Variants in ZRANB3 observed in about 807,000 individuals in gnomAD.
The protein encoded by ZRANB3 is zinc finger RANBP2-type containing 3, also known as DNA annealing helicase and endonuclease ZRANB3.
ZRANB3 carries 125 observed loss-of-function variants against 133.8 expected under a neutral mutation model. That is an observed-to-expected ratio of 0.93 (90% CI 0.81 to 1.08). ZRANB3 has a LOEUF of 1.08. ZRANB3 is among the 50% of genes least tolerant of loss of function. The pLI is 0.00. For synonymous variants in ZRANB3, 387 were observed against 432.7 expected (o/e 0.89, Z 1.31); for missense variants, 1,229 against 1,275.5 (o/e 0.96, Z 0.56).
intron 6 of ZRANB3, among the ~76,000 whole-genome samples, chr2:135,342,837 AT>A (rs1201025348): frequency 1.3e-5 from 2 of 148,566 alleles, no homozygotes; most frequent in Non-Finnish European, 2.9e-5. Context: ...ACACATATAC[AT>A]ATATACCCTA....
chr2:135,447,471 T>C (rs1486154019), intron 2 of ZRANB3, among the ~76,000 whole-genome samples: 4 of 152,258 alleles, frequency 2.6e-5, no homozygotes, highest in East Asian at 1.9e-4. Context: ...GCATTCTCTA[T>C]GTTTCTCAGA....
Position 135,305,133 on chromosome 2 carries a change from G to A in ZRANB3, c.966+8356C>T, listed in dbSNP as rs185690787. Among the ~76,000 whole-genome samples the A allele has an allele frequency of 3.2e-3, 488 of 152,028 alleles. 2 individuals are homozygous for A. The highest frequency in any genetic ancestry group is 4.0e-3 in the Admixed American group (61 of 15,266). On this transcript the variant is annotated intron_variant, in intron 8 of 20. Transcript: ENST00000264159. ...GCTGTGATTACAGGTGTGTGCCACCGTGCCCGGCTAATGTTTATATTTCTA... is the reference window on the plus strand; with the variant it reads ...GCTGTGATTACAGGTGTGTGCCACCATGCCCGGCTAATGTTTATATTTCTA...
intron 3 of ZRANB3, among the ~76,000 whole-genome samples, chr2:135,388,512 G>A (rs1443910918): frequency 1.3e-5 from 2 of 152,088 alleles, no homozygotes; most frequent in African/African-American, 4.8e-5. Flanking sequence ...AAATCATAAA[G>A]GATGCTGTTT....
intron 2 of ZRANB3, among the ~76,000 whole-genome samples, chr2:135,473,859 G>A (rs1246154695): frequency 6.6e-6 from 1 of 152,078 alleles, no homozygotes; most frequent in Non-Finnish European, 1.5e-5. Context: ...TTTTATAGAA[G>A]AAACTTACCT....
chr2:135,226,608 G>T (rs1393728339), intron 14 of ZRANB3, among the ~76,000 whole-genome samples: 1 of 152,196 alleles, frequency 6.6e-6, no homozygotes, highest in Non-Finnish European at 1.5e-5. Context: ...AAAAACATTT[G>T]TAAGTACAAG....
intron 2 of ZRANB3, among the ~76,000 whole-genome samples, chr2:135,404,023 G>A (rs964217583): frequency 2.0e-5 from 3 of 152,142 alleles, no homozygotes; most frequent in Non-Finnish European, 4.4e-5. Context: ...AGAAAAACTG[G>A]AAACTCTAAC....
chr2:135,246,691 A>C (rs1177690693), intron 12 of ZRANB3, among the ~76,000 whole-genome samples: 2 of 152,236 alleles, frequency 1.3e-5, no homozygotes, highest in Non-Finnish European at 2.9e-5. Flanking sequence ...TCCTCTCTTC[A>C]GTTATACAGC....
chr2:135,299,734 C>G (rs1682339970), intron 8 of ZRANB3, among the ~76,000 whole-genome samples: 1 of 152,156 alleles, frequency 6.6e-6, no homozygotes, highest in Non-Finnish European at 1.5e-5. Context: ...AGAAGTACTT[C>G]AAAAGGCAGA....
intron 8 of ZRANB3, among the ~76,000 whole-genome samples, chr2:135,280,131 C>A (rs1012554581): frequency 1.3e-5 from 2 of 152,080 alleles, no homozygotes; most frequent in Non-Finnish European, 2.9e-5. Context: ...TTGGTAGTGT[C>A]GGTTCAGGTT....
chr2:135,515,323 T>C (rs576468109), intron 1 of ZRANB3, among the ~76,000 whole-genome samples: 1 of 152,238 alleles, frequency 6.6e-6, no homozygotes, highest in Admixed American at 6.5e-5. Context: ...AGTTCTGCTC[T>C]GATCTTAGTT....
chr2:135,444,467 G>A (rs948427826), intron 2 of ZRANB3, among the ~76,000 whole-genome samples: 1 of 152,102 alleles, frequency 6.6e-6, no homozygotes. Context: ...TATACAACAA[G>A]GATGAACCTG....
Position 135,511,623 on chromosome 2 carries a change from T to C in ZRANB3, c.-7-7127A>G, listed in dbSNP as rs187306945. On this transcript the variant is annotated intron_variant, in intron 1 of 20. Transcript: ENST00000264159. Reference sequence around the variant, plus strand: ...GAGCAAGTACGAACATCTGCATGAATCTCCTCAAAGCCTGGTTGTTGTTAG... The same window carrying C: ...GAGCAAGTACGAACATCTGCATGAACCTCCTCAAAGCCTGGTTGTTGTTAG... The C allele has an allele frequency of 2.9e-4, 227 of 786,944 alleles. 1 individual carries two copies. Among genetic ancestry groups the C allele is most frequent in the Non-Finnish European group, 5.4e-5 (23 of 427,968 alleles). The allele number at this position is 786,944 out of a possible 1,614,324, so 48.7% of individuals were successfully genotyped here.
chr2:135,295,229 A>T lies in ZRANB3; in HGVS notation c.966+18260T>A, dbSNP rs1025583838. Among the ~76,000 whole-genome samples the T allele has an allele frequency of 2.0e-5, 3 of 152,098 alleles. 1 individual carries two copies. Among genetic ancestry groups the T allele is most frequent in the East Asian group, 3.9e-4 (2 of 5,194 alleles). On this transcript the variant is annotated intron_variant, in intron 8 of 20. Transcript: ENST00000264159. ...GGGAGTCTAAGTCTCTTTGTAGGTCACTAAGGACTTGCTTTATGAATCTGG... is the reference window on the plus strand; with the variant it reads ...GGGAGTCTAAGTCTCTTTGTAGGTCTCTAAGGACTTGCTTTATGAATCTGG...
At chr2:135,504,628 T>C in intron 1 of ZRANB3, 132 bp from the exon 2 acceptor site, 1 of 836,888 alleles carries the variant, frequency 1.2e-6, no homozygotes, top group African/African-American at 1.7e-5. Flanking sequence ...ATAAACTAAA[T>C]CATATTCTCA....
chr2:135,205,876 CTT>C (rs1238575240), intron 19 of ZRANB3, among the ~76,000 whole-genome samples: 3 of 152,126 alleles, frequency 2.0e-5, no homozygotes, highest in Non-Finnish European at 4.4e-5. Flanking sequence ...CTGTTTGCCT[CTT>C]GTCTTTCAAT....
chr2:135,458,165 A>T (rs1478757312), intron 2 of ZRANB3, among the ~76,000 whole-genome samples: 1 of 152,238 alleles, frequency 6.6e-6, no homozygotes, highest in Non-Finnish European at 1.5e-5. Flanking sequence ...TCTCTCCCCC[A>T]ATGAGTAAGC....
intron 2 of ZRANB3, among the ~76,000 whole-genome samples, chr2:135,489,177 T>C (rs186084000): frequency 1.3e-5 from 2 of 151,002 alleles, no homozygotes; most frequent in Admixed American, 6.6e-5. Context: ...GAAAATCAAA[T>C]GGAAACACAT....
At chr2:135,409,750 T>C (rs1558979957) in intron 2 of ZRANB3, among the ~76,000 whole-genome samples, 1 of 152,194 alleles carries the variant, frequency 6.6e-6, no homozygotes, top group Admixed American at 6.5e-5. Flanking sequence ...AAAAGACTCC[T>C]AGACCTGATA....
intron 13 of ZRANB3, among the ~76,000 whole-genome samples, chr2:135,229,431 G>A (rs553883095): frequency 1.3e-5 from 2 of 149,474 alleles, no homozygotes; most frequent in South Asian, 2.1e-4. Context: ...GCAGTGGCGC[G>A]ATCTCGGCTC....
Sources: gnomAD v4.1 joint callset for allele counts (sites outside exome capture counted in the v4.1 genomes callset) on GRCh38, gnomAD v4.1.1 for gene constraint, MANE v1.5 for transcripts, NCBI Gene and HGNC (gene_info 2026-07-23, HGNC 2026-07-21) for gene names.